ITSN2: variants seen among roughly 807,000 people sequenced by gnomAD.
The protein encoded by ITSN2 is intersectin-2.
A neutral mutation model predicts 243.7 loss-of-function variants in ITSN2; 156 were observed. That is an observed-to-expected ratio of 0.64 (90% CI 0.56 to 0.73). The LOEUF is 0.73. ITSN2 is among the 30% of genes least tolerant of loss of function. ITSN2 has a pLI of 0.00. For synonymous variants in ITSN2, 703 were observed against 699.9 expected (o/e 1.00, Z -0.07); for missense variants, 1,801 against 1,996.1 (o/e 0.90, Z 1.86).
intron 5 of ITSN2, among the ~76,000 whole-genome samples, chr2:24,311,086 CAT>C (rs1553383572): frequency 4.6e-5 from 7 of 151,958 alleles, no homozygotes; most frequent in Admixed American, 2.0e-4. Context: ...CACACACACA[CAT>C]TCTTCTTCTC....
chr2:24,278,059 A>G (rs1289729602), intron 17 of ITSN2, among the ~76,000 whole-genome samples: 2 of 152,196 alleles, frequency 1.3e-5, no homozygotes, highest in African/African-American at 4.8e-5. Flanking sequence ...GGTTCTCAGT[A>G]AATCTTAGTT....
chr2:24,221,998 A>G (rs1025710461), intron 29 of ITSN2, among the ~76,000 whole-genome samples: 2 of 152,230 alleles, frequency 1.3e-5, no homozygotes, highest in Non-Finnish European at 2.9e-5. Flanking sequence ...TTTGGGAGTA[A>G]TCCCAGCACT....
chr2:24,357,004 T>C (rs1456865894), intron 1 of ITSN2, among the ~76,000 whole-genome samples: 2 of 151,964 alleles, frequency 1.3e-5, no homozygotes, highest in African/African-American at 4.8e-5. Flanking sequence ...TGTGGCGAAA[T>C]GGAACGCTTT....
intron 29 of ITSN2, 116 bp downstream of exon 29, chr2:24,246,013 A>C: frequency 1.6e-6 from 1 of 626,006 alleles, no homozygotes; most frequent in Non-Finnish European, 2.6e-6. Flanking sequence ...TTTAAACACT[A>C]ATCTACATTT....
chr2:24,266,445 T>A (rs1676664531), intron 20 of ITSN2, among the ~76,000 whole-genome samples: 1 of 152,180 alleles, frequency 6.6e-6, no homozygotes, highest in African/African-American at 2.4e-5. Flanking sequence ...CTCATTTTAA[T>A]GTTATATGTC....
At chr2:24,220,292 G>T (rs1424524915) in intron 30 of ITSN2, 6 of 982,044 alleles carry the variant, frequency 6.1e-6, no homozygotes, top group Non-Finnish European at 6.0e-6. Context: ...TGTACACTGG[G>T]AACTGAAAGG....
At chr2:24,359,151 A>T (rs1688720869) in intron 1 of ITSN2, among the ~76,000 whole-genome samples, 1 of 152,232 alleles carries the variant, frequency 6.6e-6, no homozygotes, top group African/African-American at 2.4e-5. Flanking sequence ...GGACGTCATT[A>T]TTAATTCGCG....
At chr2:24,205,118 G>A (rs1668732141) in intron 38 of ITSN2, 96 bp downstream of exon 38, 1 of 998,070 alleles carries the variant, frequency 1.0e-6, no homozygotes, top group Non-Finnish European at 1.6e-6. Flanking sequence ...CTGCACTCCA[G>A]CCTAGGTTAT....
At chr2:24,245,322 A>T (rs78265103) in intron 29 of ITSN2, among the ~76,000 whole-genome samples, 5,356 of 152,298 alleles carry the variant, frequency 0.035, 122 homozygotes, top group Middle Eastern at 0.058. Flanking sequence ...ATCACCTGAC[A>T]AGAATTTTGC....
chr2:24,263,810 G>T, intron 20 of ITSN2, among the ~76,000 whole-genome samples: 1 of 151,950 alleles, frequency 6.6e-6, no homozygotes. Context: ...TCAAATGTTG[G>T]TAGACATTAA....
At chr2:24,315,374 T>G in intron 2 of ITSN2, 150 bp from the exon 3 acceptor site, 1 of 492,564 alleles carries the variant, frequency 2.0e-6, no homozygotes, top group Non-Finnish European at 3.6e-6. Context: ...TAACCATACA[T>G]AGCACAGCCC....
At chr2:24,286,998 A>T (rs1370511822) in intron 15 of ITSN2, among the ~76,000 whole-genome samples, 2 of 152,218 alleles carry the variant, frequency 1.3e-5, no homozygotes, top group Admixed American at 1.3e-4. Flanking sequence ...GTCTGTTTTT[A>T]ACTTTATCAT....
intron 16 of ITSN2, among the ~76,000 whole-genome samples, chr2:24,285,135 T>G (rs1410909711): frequency 1.3e-5 from 2 of 152,076 alleles, no homozygotes; most frequent in African/African-American, 4.8e-5. Flanking sequence ...GACCTCGTGA[T>G]CCGCCCGCCT....
At chr2:24,269,031 C>T (rs1476294712) in intron 20 of ITSN2, among the ~76,000 whole-genome samples, 1 of 149,396 alleles carries the variant, frequency 6.7e-6, no homozygotes, top group Non-Finnish European at 1.5e-5. Context: ...TCACTCTTCT[C>T]AAAGTTCCCT....
At chr2:24,318,493 T>C (rs1396941828) in intron 2 of ITSN2, among the ~76,000 whole-genome samples, 1 of 152,230 alleles carries the variant, frequency 6.6e-6, no homozygotes, top group Non-Finnish European at 1.5e-5. Flanking sequence ...AACAATGCAC[T>C]GACAGCCTGA....
At chr2:24,357,264 G>T (rs1314001807) in intron 1 of ITSN2, among the ~76,000 whole-genome samples, 1 of 152,112 alleles carries the variant, frequency 6.6e-6, no homozygotes, top group Non-Finnish European at 1.5e-5. Flanking sequence ...AAGAAAATGT[G>T]ATATACATAC....
In ITSN2 at chr2:24,313,447, C is replaced by T. The variant is rs948707245; in HGVS notation, c.188+13G>A. ...ACTATCAGAAAATTAGGTTCATCTA[C>T]AAAACACTTTACCATATTTCAGCTA... On this transcript the variant is annotated intron_variant, in intron 4 of 39. Coordinates refer to ENST00000355123, the MANE Select transcript of ITSN2 (RefSeq NM_006277.3). 3.7e-6 allele frequency: 6 copies of T among 1,605,450 alleles called. No individual in the cohort carries two copies. The highest frequency in any genetic ancestry group is 5.1e-6 in the Non-Finnish European group (6 of 1,175,700).
chr2:24,204,160 G>T lies in ITSN2; in HGVS notation c.4936+85C>A. 2 of 1,362,048 alleles carry T rather than the reference G, an allele frequency of 1.5e-6. No individual in the cohort carries two copies. The highest frequency in any genetic ancestry group is 2.1e-6 in the Non-Finnish European group (2 of 962,432). 84.4% of individuals were successfully genotyped at this position (1,362,048 alleles called of 1,614,324 possible). A position where few individuals can be genotyped will look rare whatever the true frequency, so the allele number is the denominator to read the frequency against. On this transcript the variant is annotated intron_variant, in intron 39 of 39. Transcript: ENST00000355123. This position sits in a 1 kb window ranked among gnomAD's most constrained non-coding sequence, Gnocchi z 5.1. ...ACTTCCCTGAAGTGGCATGGGGTCT[G>T]CACACAGCTGAAGCCCCTAGATCTG... is the stretch of plus-strand genomic sequence containing the variant.
chr2:24,263,006 T>A (rs1676111467), intron 20 of ITSN2, among the ~76,000 whole-genome samples: 1 of 152,182 alleles, frequency 6.6e-6, no homozygotes, highest in African/African-American at 2.4e-5. Flanking sequence ...TTTTTTCATT[T>A]CACACTCAAG....
Sources: gnomAD v4.1 joint callset for allele counts (sites outside exome capture counted in the v4.1 genomes callset) on GRCh38, gnomAD v4.1.1 for gene constraint, Gnocchi (gnomAD v3.1) non-coding constraint, MANE v1.5 for transcripts, NCBI Gene and HGNC (gene_info 2026-07-23, HGNC 2026-07-21) for gene names.